Variants in APBA2 observed in about 807,000 individuals in gnomAD.
APBA2 encodes amyloid-beta A4 precursor protein-binding family A member 2.
APBA2 carries 30 observed loss-of-function variants against 75.0 expected under a neutral mutation model. The observed-to-expected ratio is 0.40, with a 90% CI of 0.30 to 0.54. The LOEUF is 0.54. APBA2 is among the 20% of genes least tolerant of loss of function. The pLI, the probability that APBA2 is intolerant of heterozygous loss-of-function variation, is 0.49. For synonymous variants in APBA2, 444 were observed against 409.6 expected (o/e 1.08, Z -1.01); for missense variants, 801 against 1,016.1 (o/e 0.79, Z 2.88).
chr15:28,930,149 G>T (rs749493809), intron 2 of APBA2, among the ~76,000 whole-genome samples: 1 of 152,140 alleles, frequency 6.6e-6, no homozygotes, highest in Non-Finnish European at 1.5e-5. Flanking sequence ...TCCAGCCCCC[G>T]CCAGTATAGG....
chr15:29,098,090 T>C (rs2043938570), intron 8 of APBA2, among the ~76,000 whole-genome samples: 2 of 152,222 alleles, frequency 1.3e-5, no homozygotes, highest in East Asian at 1.9e-4. Context: ...TTGGCTGTTG[T>C]GGATAGTGCT....
chr15:29,111,887 G>A (rs1478106631), intron 13 of APBA2, among the ~76,000 whole-genome samples: 1 of 152,176 alleles, frequency 6.6e-6, no homozygotes, highest in Non-Finnish European at 1.5e-5. Context: ...AGACCCGAGG[G>A]TGCTGGCTAC....
rs1037170442 is a variant in APBA2, at chr15:29,117,154, C to A, written c.*21C>A. 3.1e-6 allele frequency: 5 copies of A among 1,611,850 alleles called. No homozygotes were observed. The African/African-American group carries it at 6.7e-5, about 21-fold the overall frequency. ...TCTAGGCCACCCCAGCCTGGCCACG[C>A]AGCCAGGACACCGGGCAGGGCCGCC... On this transcript the variant is annotated 3_prime_UTR_variant, in exon 15 of 15. Transcript: ENST00000683413.
chr15:29,018,927 C>G (rs2039812176), intron 3 of APBA2, among the ~76,000 whole-genome samples: 1 of 152,150 alleles, frequency 6.6e-6, no homozygotes, highest in Non-Finnish European at 1.5e-5. Flanking sequence ...CATGAGGATC[C>G]TGACCATCTC....
intron 2 of APBA2, among the ~76,000 whole-genome samples, chr15:28,923,308 A>G (rs986237171): frequency 6.6e-6 from 1 of 151,988 alleles, no homozygotes; most frequent in Non-Finnish European, 1.5e-5. Flanking sequence ...CACATTTGTA[A>G]AGAATATGGG....
chr15:29,024,006 C>T (rs985411450), intron 3 of APBA2, among the ~76,000 whole-genome samples: 7 of 151,098 alleles, frequency 4.6e-5, no homozygotes, highest in South Asian at 4.2e-4. Flanking sequence ...CAAGTTCAAG[C>T]GATTCTTCTG....
intron 3 of APBA2, among the ~76,000 whole-genome samples, chr15:29,044,922 T>C (rs1424677549): frequency 1.3e-5 from 2 of 152,298 alleles, no homozygotes; most frequent in South Asian, 2.1e-4. Context: ...GCAGATTCAG[T>C]GTCTGCTGAG....
chr15:28,976,889 G>A (rs909674365), intron 2 of APBA2: 1 of 152,124 alleles, frequency 6.6e-6, no homozygotes, highest in Non-Finnish European at 1.5e-5. Context: ...TAAGACTGAG[G>A]TGATATGTTC....
chr15:29,019,206 G>A (rs1026761588), intron 3 of APBA2, among the ~76,000 whole-genome samples: 5 of 152,232 alleles, frequency 3.3e-5, no homozygotes, highest in African/African-American at 1.2e-4. Flanking sequence ...CTGCCTATGC[G>A]TGTCTCTCCC....
chr15:28,938,114 A>T (rs991350330), intron 2 of APBA2, among the ~76,000 whole-genome samples: 5 of 152,182 alleles, frequency 3.3e-5, no homozygotes, highest in African/African-American at 1.2e-4. Context: ...CTTAGTTATT[A>T]AAAAGCAACC....
chr15:28,939,077 T>A (rs973113329), intron 2 of APBA2, among the ~76,000 whole-genome samples: 2 of 152,194 alleles, frequency 1.3e-5, no homozygotes, highest in Non-Finnish European at 2.9e-5. Flanking sequence ...AATTCACCTC[T>A]CTAGGTACCT....
intron 3 of APBA2, among the ~76,000 whole-genome samples, chr15:29,009,258 C>T (rs1330040618): frequency 6.6e-6 from 1 of 152,138 alleles, no homozygotes; most frequent in Non-Finnish European, 1.5e-5. Flanking sequence ...CACCCCCTCC[C>T]CTCACTGTAA....
At chr15:29,022,988 T>C (rs964994072) in intron 3 of APBA2, among the ~76,000 whole-genome samples, 1 of 152,234 alleles carries the variant, frequency 6.6e-6, no homozygotes, top group African/African-American at 2.4e-5. Flanking sequence ...ACATTTTCTA[T>C]TTGGTTGTTG....
At chr15:28,940,149 T>C (rs2035111057) in intron 2 of APBA2, among the ~76,000 whole-genome samples, 1 of 151,942 alleles carries the variant, frequency 6.6e-6, no homozygotes, top group Non-Finnish European at 1.5e-5. Flanking sequence ...CTTTTAACTC[T>C]GAGGACCTTG....
At chr15:28,989,273 C>T (rs985512723) in intron 2 of APBA2, among the ~76,000 whole-genome samples, 5 of 152,088 alleles carry the variant, frequency 3.3e-5, no homozygotes, top group African/African-American at 1.2e-4. Context: ...GGGTTAAATC[C>T]CAGCTTCAAC....
At position 29,093,154 on chromosome 15, in the gene APBA2, A is replaced by T. The variant is rs945462075; in HGVS notation, c.1149A>T (p.Leu383=). 4 of 1,614,252 alleles carry T rather than the reference A, an allele frequency of 2.5e-6. No individual in the cohort carries two copies. Among genetic ancestry groups the T allele is most frequent in the Non-Finnish European group, 3.4e-6 (4 of 1,180,052 alleles). The change falls in exon 7 of 15, where the codon CTA becomes CTT. Residue 383 remains leucine, a synonymous_variant. Transcript: ENST00000683413. ...ATTACCTGGGGTCCACCCAGCTGCT[A>T]TCAGAACGGAACCCTTCCAAAAACA... is the stretch of plus-strand genomic sequence containing the variant. ...AANYLGSTQL[L]SERNPSKNIR... is the part of the protein sequence containing the mutation.
chr15:29,019,357 T>C (rs1352053731), intron 3 of APBA2, among the ~76,000 whole-genome samples: 1 of 152,234 alleles, frequency 6.6e-6, no homozygotes, highest in Non-Finnish European at 1.5e-5. Context: ...GAGAAATTAT[T>C]TGCATTTTCT....
At position 29,054,036 on chromosome 15, in the gene APBA2, T is replaced by G. The variant is rs766735777; in HGVS notation, c.152T>G (p.Leu51Arg). 1.9e-6 allele frequency: 3 copies of G among 1,613,752 alleles called. No homozygotes were observed. The highest frequency in any genetic ancestry group is 2.2e-5 in the South Asian group (2 of 91,068). ...YVPEGLELAA[L>R]RPESPAPEEQ... is the part of the protein sequence containing the mutation. Reference sequence around the variant, plus strand: ...CCCGAGGGCCTGGAGCTGGCTGCCCTGCGGCCAGAGAGCCCCGCGCCAGAG... The same window carrying G: ...CCCGAGGGCCTGGAGCTGGCTGCCCGGCGGCCAGAGAGCCCCGCGCCAGAG... Residue 51 changes from leucine (L) to arginine (R), a missense_variant, in exon 4 of 15, where the codon CTG becomes CGG. By Grantham distance (102) the Leu-to-Arg change is moderately radical. Transcript: ENST00000683413. This position sits in a 1 kb window ranked among gnomAD's most constrained non-coding sequence, Gnocchi z 6.1.
chr15:29,084,376 T>G (rs1161093777), intron 6 of APBA2, among the ~76,000 whole-genome samples: 1 of 152,178 alleles, frequency 6.6e-6, no homozygotes, highest in Non-Finnish European at 1.5e-5. Context: ...TGCTTTTAAT[T>G]TTGTCATAAA....
Sources: gnomAD v4.1 joint callset for allele counts (sites outside exome capture counted in the v4.1 genomes callset) on GRCh38, gnomAD v4.1.1 for gene constraint, Gnocchi (gnomAD v3.1) non-coding constraint, MANE v1.5 for transcripts, NCBI Gene and HGNC (gene_info 2026-07-23, HGNC 2026-07-21) for gene names.